ESRRG: variants seen among roughly 807,000 people sequenced by gnomAD.
ESRRG encodes the protein estrogen-related receptor gamma.
Under a neutral mutation model 44.0 loss-of-function variants are expected in ESRRG, and 13 were observed. The observed-to-expected ratio is 0.30, with a 90% CI of 0.19 to 0.47. ESRRG has a LOEUF of 0.47. Among genes scored for constraint, ESRRG ranks in the 20% least tolerant of loss-of-function variants. The pLI is 1.00. For synonymous variants in ESRRG, 215 were observed against 214.6 expected, an observed-to-expected ratio of 1.00 and a Z score of -0.02; for missense variants, 395 against 580.6, an observed-to-expected ratio of 0.68 and a Z score of 3.29.
intron 3 of ESRRG, among the ~76,000 whole-genome samples, chr1:216,634,935 A>G (rs1260366373): frequency 2.0e-5 from 3 of 152,086 alleles, no homozygotes; most frequent in Admixed American, 2.0e-4. Context: ...GCACTATGGA[A>G]GCCTATTTTT....
intron 2 of ESRRG, among the ~76,000 whole-genome samples, chr1:216,879,100 A>T (rs981906444): frequency 1.4e-4 from 22 of 152,244 alleles, no homozygotes; most frequent in African/African-American, 4.6e-4. Context: ...GGGATAGTTT[A>T]GTTTTAAAGG....
intron 1 of ESRRG, among the ~76,000 whole-genome samples, chr1:217,063,157 G>T (rs2088915148): frequency 6.6e-6 from 1 of 152,104 alleles, no homozygotes; most frequent in South Asian, 2.1e-4. Context: ...AGCAGACAGG[G>T]AAAAGAGGGC....
intron 1 of ESRRG, among the ~76,000 whole-genome samples, chr1:216,976,602 G>C (rs1235922783): frequency 6.6e-6 from 1 of 152,080 alleles, no homozygotes; most frequent in Non-Finnish European, 1.5e-5. Flanking sequence ...CTCTTAATTA[G>C]GGGCTCATTG....
At chr1:216,937,568 A>G (rs1450599019) in intron 2 of ESRRG, among the ~76,000 whole-genome samples, 1 of 152,198 alleles carries the variant, frequency 6.6e-6, no homozygotes, top group African/African-American at 2.4e-5. Context: ...GAACCACTGA[A>G]GCTCAGCAAC....
At chr1:217,093,055 C>G (rs189248762), upstream of ESRRG, among the ~76,000 whole-genome samples, 7 of 152,100 alleles carry the variant, frequency 4.6e-5, no homozygotes, top group East Asian at 1.4e-3. Flanking sequence ...ATTATTATGA[C>G]TTTATAGCTC....
intron 1 of ESRRG, among the ~76,000 whole-genome samples, chr1:217,099,572 C>A (rs943853725): frequency 9.2e-5 from 14 of 152,102 alleles, no homozygotes; most frequent in African/African-American, 2.9e-4. Context: ...TTCTAGCCAC[C>A]AACACCAGAC....
chr1:216,571,053 C>T (rs1165493343), intron 3 of ESRRG, among the ~76,000 whole-genome samples: 3 of 152,136 alleles, frequency 2.0e-5, no homozygotes, highest in Non-Finnish European at 4.4e-5. Context: ...TTCAGACATA[C>T]AGTTACATCA....
Position 216,519,231 on chromosome 1 carries a change from C to T in ESRRG, c.1053G>A (p.Gln351=). ...TCATGCTCTTGTATTTCTTTACCAGCTGCAGGATAGCATTATTTAGATCAA... is the reference window on the plus strand; with the variant it reads ...TCATGCTCTTGTATTTCTTTACCAGTTGCAGGATAGCATTATTTAGATCAA... ...GLLDLNNAIL[Q]LVKKYKSMKL... is the part of the protein sequence containing the mutation. Residue 351 remains glutamine (Q), a synonymous_variant, in exon 6 of 7, where the codon CAG becomes CAA. Transcript: ENST00000408911. The T allele has an allele frequency of 3.1e-6, 5 of 1,613,628 alleles. No individual in the cohort carries two copies. The highest frequency in any genetic ancestry group is 1.7e-4 in the Middle Eastern group (1 of 6,056).
At chr1:216,538,613 G>A (rs750684141) in intron 5 of ESRRG, among the ~76,000 whole-genome samples, 5 of 152,010 alleles carry the variant, frequency 3.3e-5, no homozygotes, top group Admixed American at 6.6e-5. Context: ...GAGAGAAAAC[G>A]CAGCAAATGC....
At chr1:217,080,845 T>C (rs898274110) in intron 1 of ESRRG, among the ~76,000 whole-genome samples, 3 of 151,916 alleles carry the variant, frequency 2.0e-5, no homozygotes, top group African/African-American at 7.3e-5. Flanking sequence ...GACCAGTTAA[T>C]TTTTTGTATT....
intron 2 of ESRRG, among the ~76,000 whole-genome samples, chr1:216,861,864 T>G (rs2096060351): frequency 6.6e-6 from 1 of 151,952 alleles, no homozygotes; most frequent in Non-Finnish European, 1.5e-5. Flanking sequence ...ACAAAAAACC[T>G]AATACAAAAG....
chr1:216,989,804 G>T (rs754972632), intron 1 of ESRRG, among the ~76,000 whole-genome samples: 2 of 152,062 alleles, frequency 1.3e-5, no homozygotes, highest in African/African-American at 2.4e-5. Flanking sequence ...TATTTACAAG[G>T]CACTTTCCAC....
At chr1:216,619,348 ACAT>A in intron 3 of ESRRG, among the ~76,000 whole-genome samples, 1 of 152,230 alleles carries the variant, frequency 6.6e-6, no homozygotes, top group Non-Finnish European at 1.5e-5. Flanking sequence ...CAAAGAAAAG[ACAT>A]CATTGGAAAT....
intron 3 of ESRRG, among the ~76,000 whole-genome samples, chr1:216,617,270 G>T (rs1574178286): frequency 6.6e-6 from 1 of 152,080 alleles, no homozygotes; most frequent in Non-Finnish European, 1.5e-5. Context: ...GCCATTAAAA[G>T]AATCGTGGCT....
intron 1 of ESRRG, among the ~76,000 whole-genome samples, chr1:216,950,876 C>A (rs544031170): frequency 1.3e-5 from 2 of 152,230 alleles, no homozygotes; most frequent in South Asian, 4.1e-4. Flanking sequence ...TAATATAGAA[C>A]TTGCATGAGA....
At chr1:216,983,833 C>T (rs994074103) in intron 1 of ESRRG, among the ~76,000 whole-genome samples, 3 of 151,842 alleles carry the variant, frequency 2.0e-5, no homozygotes, top group South Asian at 2.1e-4. Flanking sequence ...ATGATATAAA[C>T]GATAACCTGC....
chr1:216,930,043 C>A (rs1352587480), intron 2 of ESRRG, among the ~76,000 whole-genome samples: 1 of 152,180 alleles, frequency 6.6e-6, no homozygotes, highest in Non-Finnish European at 1.5e-5. Flanking sequence ...CCAGGAGAGA[C>A]CCCTCACCAC....
At chr1:217,011,420 T>C (rs2078595742) in intron 1 of ESRRG, among the ~76,000 whole-genome samples, 1 of 152,212 alleles carries the variant, frequency 6.6e-6, no homozygotes, top group South Asian at 2.1e-4. Context: ...CTTGGTAAAC[T>C]GTGAATTAAG....
At chr1:216,667,685 C>CAAAAAAAAAAA (rs67275285) in intron 2 of ESRRG, among the ~76,000 whole-genome samples, 2 of 66,222 alleles carry the variant, frequency 3.0e-5, no homozygotes, top group Non-Finnish European at 2.6e-5. Flanking sequence ...GACTCCATCT[C>CAAAAAAAAAAA]AAAAAAAAAA....
Sources: allele counts gnomAD v4.1 joint callset (sites outside exome capture counted in the v4.1 genomes callset), GRCh38; gene constraint gnomAD v4.1.1; transcripts MANE v1.5; gene names NCBI Gene and HGNC (gene_info 2026-07-23, HGNC 2026-07-21).